Variants in PRRC2B observed in about 807,000 individuals in gnomAD.
The protein encoded by PRRC2B is proline rich coiled-coil 2B, also known as protein PRRC2B.
Under a neutral mutation model 242.3 loss-of-function variants are expected in PRRC2B, and 68 were observed. The observed-to-expected ratio is 0.28, with a 90% CI of 0.23 to 0.34. The LOEUF is 0.34. Among genes scored for constraint, PRRC2B ranks in the 10% least tolerant of loss-of-function variants. The pLI, the probability that PRRC2B is intolerant of heterozygous loss-of-function variation, is 1.00. For synonymous variants in PRRC2B, 1,228 were observed against 1,173.6 expected (o/e 1.05, Z -0.95); for missense variants, 2,835 against 2,954.8 (o/e 0.96, Z 0.94).
intron 11 of PRRC2B, among the ~76,000 whole-genome samples, chr9:131,460,771 T>C (rs1943220286): frequency 6.6e-6 from 1 of 152,206 alleles, no homozygotes; most frequent in African/African-American, 2.4e-5. Flanking sequence ...TTTGGAGCCC[T>C]TCCTTCATCT....
chr9:131,388,068 A>C (rs1836847456), intron 1 of PRRC2B, among the ~76,000 whole-genome samples: 2 of 149,568 alleles, frequency 1.3e-5, no homozygotes, highest in East Asian at 2.0e-4. Flanking sequence ...GGCACACGCT[A>C]TGTAGGAGGC....
At chr9:131,460,083 G>A (rs1367373812) in intron 11 of PRRC2B, among the ~76,000 whole-genome samples, 1 of 151,538 alleles carries the variant, frequency 6.6e-6, no homozygotes, top group Non-Finnish European at 1.5e-5. Context: ...TGAACAGTAA[G>A]TTGACAACCT....
chr9:131,478,025 T>C lies in PRRC2B; in HGVS notation c.4612+76T>C, dbSNP rs1353162924. ...CCATGCAGTCCTCGGGCCTCCCGAGTTTGCCCTTGCACTGAGTACCTTAGC... is the reference window on the plus strand; with the variant it reads ...CCATGCAGTCCTCGGGCCTCCCGAGCTTGCCCTTGCACTGAGTACCTTAGC... On this transcript the variant is annotated intron_variant, in intron 17 of 31. Coordinates refer to ENST00000683519, the MANE Select transcript of PRRC2B (RefSeq NM_013318.4). 3 of 1,384,806 alleles carry C rather than the reference T, an allele frequency of 2.2e-6. No individual in the cohort carries two copies. In the African/African-American group the frequency reaches 4.3e-5, roughly 20 times the overall value. The allele number at this position is 1,384,806 out of a possible 1,614,324, so 85.8% of individuals were successfully genotyped here. A position where few individuals can be genotyped will look rare whatever the true frequency, so the allele number is the denominator to read the frequency against.
At chr9:131,468,536 CTCCTAG>C (rs1943456823) in intron 13 of PRRC2B, among the ~76,000 whole-genome samples, 1 of 152,132 alleles carries the variant, frequency 6.6e-6, no homozygotes. Flanking sequence ...CCACCCATCT[CTCCTAG>C]TCCTGATAGT....
At chr9:131,448,563 A>AAAAAAAAAAAAAAAC (rs1838901335) in intron 9 of PRRC2B, among the ~76,000 whole-genome samples, 1 of 137,906 alleles carries the variant, frequency 7.3e-6, no homozygotes, top group Non-Finnish European at 1.6e-5. Context: ...AAAAAAAAAA[A>AAAAAAAAAAAAAAAC]AAAAAAAGGA....
Position 131,473,518 on chromosome 9 carries a change from G to A in PRRC2B, c.2118G>A (p.Lys706=). The change falls in exon 15 of 32, where the codon AAG becomes AAA. Residue 706 remains lysine (K), a synonymous_variant. Transcript: ENST00000683519. ...PSALHPSGLM[K]PMMPQESLNG... is the part of the protein sequence containing the mutation. ...CTTTGCCTTCTTCAGGACTGATGAA[G>A]CCCATGATGCCCCAGGAGTCCCTCA... 1.3e-6 allele frequency: 2 copies of A among 1,599,884 alleles called. No individual in the cohort carries two copies. The highest frequency in any genetic ancestry group is 1.1e-5 in the South Asian group (1 of 88,536).
At position 131,475,228 on chromosome 9, in the gene PRRC2B, A is replaced by T. The variant is rs980315829; in HGVS notation, c.3099A>T (p.Arg1033Ser). 2.5e-6 allele frequency: 4 copies of T among 1,613,728 alleles called. No homozygotes were observed. The highest frequency in any genetic ancestry group is 1.7e-5 in the Admixed American group (1 of 60,010). ...EEKPDKAWEA[R>S]PPRESSDVPP... ...AACCTGACAAGGCCTGGGAAGCCAG[A>T]CCCCCACGAGAGTCCAGCGATGTTC... The change falls in exon 16 of 32, where the codon AGA becomes AGT. Residue 1033 changes from arginine to serine, a missense_variant. Physicochemically the swap from Arg to Ser is moderately radical, Grantham distance 110. Coordinates refer to ENST00000683519, the MANE Select transcript of PRRC2B (RefSeq NM_013318.4).
At chr9:131,468,494 T>C (rs182414214) in intron 13 of PRRC2B, among the ~76,000 whole-genome samples, 62 of 152,314 alleles carry the variant, frequency 4.1e-4, no homozygotes, top group Non-Finnish European at 7.8e-4. Flanking sequence ...CTACTTTTTG[T>C]CCTAAAGATC....
At chr9:131,412,318 A>G (rs1448624946) in intron 1 of PRRC2B, among the ~76,000 whole-genome samples, 5 of 151,264 alleles carry the variant, frequency 3.3e-5, no homozygotes, top group African/African-American at 4.9e-5. Context: ...TTGATTCAAC[A>G]TTTTTTTTGT....
At chr9:131,422,909 C>G (rs1448784687) in intron 1 of PRRC2B, among the ~76,000 whole-genome samples, 1 of 152,118 alleles carries the variant, frequency 6.6e-6, no homozygotes, top group Non-Finnish European at 1.5e-5. Flanking sequence ...GCCCCTTTTT[C>G]ATCTGCCTAA....
chr9:131,420,731 C>T (rs1837817895), intron 1 of PRRC2B, among the ~76,000 whole-genome samples: 1 of 151,702 alleles, frequency 6.6e-6, no homozygotes, highest in Non-Finnish European at 1.5e-5. Flanking sequence ...CTCAGGTGCA[C>T]CTCAGCCTCC....
chr9:131,406,521 C>T (rs553651650), intron 1 of PRRC2B, among the ~76,000 whole-genome samples: 7 of 152,230 alleles, frequency 4.6e-5, no homozygotes, highest in South Asian at 4.1e-4. Context: ...GACCTCAGGC[C>T]GACAGGAGTG....
Position 131,497,027 on chromosome 9 carries a change from C to G in PRRC2B, c.*1153C>G, listed in dbSNP as rs1037448015. 4 of 152,340 alleles carry G rather than the reference C, an allele frequency of 2.6e-5. No individual in the cohort carries two copies. Among genetic ancestry groups the G allele is most frequent in the African/African-American group, 4.8e-5 (2 of 41,474 alleles). 9.4% of individuals were successfully genotyped at this position (152,340 alleles called of 1,614,324 possible). ...TGTCTCCACCTCCCACACAGCTCAT[C>G]GTGAACACCACTTGGTGATGGAGGG... On this transcript the variant is annotated 3_prime_UTR_variant, in exon 32 of 32. Transcript: ENST00000683519.
At chr9:131,383,554 T>C (rs1404504003) in intron 1 of PRRC2B, among the ~76,000 whole-genome samples, 2 of 152,102 alleles carry the variant, frequency 1.3e-5, no homozygotes, top group Middle Eastern at 3.4e-3. Context: ...GAAATCAGTC[T>C]TTATTCTTGT....
At chr9:131,413,730 G>A (rs1408332237) in intron 1 of PRRC2B, among the ~76,000 whole-genome samples, 1 of 152,036 alleles carries the variant, frequency 6.6e-6, no homozygotes, top group Non-Finnish European at 1.5e-5. Context: ...GGAGTGCAGC[G>A]GTGCGATCTT....
At chr9:131,464,447 AGT>A (rs1184933315) in intron 11 of PRRC2B, among the ~76,000 whole-genome samples, 1 of 152,032 alleles carries the variant, frequency 6.6e-6, no homozygotes, top group African/African-American at 2.4e-5. Context: ...CAGTGGTGGG[AGT>A]GTTTGTCGTG....
Position 131,499,830 on chromosome 9 carries a change from C to T in PRRC2B, c.*3956C>T, listed in dbSNP as rs1193910315. On this transcript the variant is annotated 3_prime_UTR_variant, in exon 32 of 32. Transcript: ENST00000683519. ...GACACTGTACTCAAGCTTTTGACCT[C>T]ATGCCTTGTGTAGTAAAAAAGGATT... is the stretch of plus-strand genomic sequence containing the variant. 1 of 152,234 alleles carries T rather than the reference C, an allele frequency of 6.6e-6. No homozygotes were observed. The highest frequency in any genetic ancestry group is 2.4e-5 in the African/African-American group (1 of 41,462). The allele number at this position is 152,234 out of a possible 1,614,324, so 9.4% of individuals were successfully genotyped here. A position where few individuals can be genotyped will look rare whatever the true frequency, so the allele number is the denominator to read the frequency against.
rs117537105 is a variant in PRRC2B at position 131,374,217 on chromosome 9, C to A, written c.-56+486C>A. Among the ~76,000 whole-genome samples, 440 of 151,964 alleles carry A rather than the reference C, an allele frequency of 2.9e-3. 2 individuals are homozygous for A. The East Asian group carries it at 0.035, about 12-fold the overall frequency. On this transcript the variant is annotated intron_variant, in intron 1 of 1. Transcript: ENST00000682525. ...AGACCTATATCAATTTTAAAAATACCAAAGAAAATCACTCGTCCATACTGT... is the reference window on the plus strand; with the variant it reads ...AGACCTATATCAATTTTAAAAATACAAAAGAAAATCACTCGTCCATACTGT...
At chr9:131,398,784 T>C (rs1261652453) in intron 1 of PRRC2B, among the ~76,000 whole-genome samples, 2 of 152,062 alleles carry the variant, frequency 1.3e-5, no homozygotes, top group Admixed American at 1.3e-4. Flanking sequence ...AAGACCAGCC[T>C]GGGCAATGTG....
Sources: allele counts gnomAD v4.1 joint callset (sites outside exome capture counted in the v4.1 genomes callset), GRCh38; gene constraint gnomAD v4.1.1; transcripts MANE v1.5; gene names NCBI Gene and HGNC (gene_info 2026-07-23, HGNC 2026-07-21).